Variants in LUC7L2 observed in about 807,000 individuals in gnomAD.
The protein encoded by LUC7L2 is LUC7 like 2, pre-mRNA splicing factor, also known as putative RNA-binding protein Luc7-like 2.
A neutral mutation model predicts 52.8 loss-of-function variants in LUC7L2; 25 were observed. That is an observed-to-expected ratio of 0.47 (90% CI 0.34 to 0.66). LUC7L2 has a LOEUF of 0.66. Ranked by LOEUF, LUC7L2 falls within the 30% of genes least tolerant of loss-of-function variation. LUC7L2 has a pLI of 0.01. For missense variants in LUC7L2, 328 were observed against 497.8 expected (o/e 0.66, Z 3.25); for synonymous variants, 144 against 160.9 (o/e 0.89, Z 0.80).
At chr7:139,398,161 C>G (rs1235605127) in intron 2 of LUC7L2, among the ~76,000 whole-genome samples, 1 of 152,208 alleles carries the variant, frequency 6.6e-6, no homozygotes, top group Non-Finnish European at 1.5e-5. Context: ...GCCTGGCCAC[C>G]AGTCTGGTTT....
intron 7 of LUC7L2, 151 bp downstream of exon 7, chr7:139,409,805 A>G (rs1795277986): frequency 8.1e-7 from 1 of 1,232,702 alleles, no homozygotes; most frequent in Admixed American, 3.3e-5. Flanking sequence ...CGAATTATAT[A>G]AATGTTTAAT....
chr7:139,404,582 T>C (rs370843422), intron 4 of LUC7L2, among the ~76,000 whole-genome samples: 16 of 152,180 alleles, frequency 1.1e-4, no homozygotes, highest in African/African-American at 3.1e-4. Flanking sequence ...AGCAAAGACT[T>C]TGTGGCCCAA....
At chr7:139,390,343 C>T (rs1173871654) in intron 2 of LUC7L2, among the ~76,000 whole-genome samples, 1 of 151,654 alleles carries the variant, frequency 6.6e-6, no homozygotes, top group African/African-American at 2.4e-5. Flanking sequence ...TCACCACAAC[C>T]TCTGCCTCCT....
In LUC7L2 at chr7:139,360,232, CCCCG is replaced by C; in HGVS notation, c.-25_-22del. ...CAAAAGGGCCCGGTCTGCGCCCCAC[CCCCG>C]CCCGTCCGCCCGCTACGCCGCCGCC... is the stretch of plus-strand genomic sequence containing the variant. On this transcript the variant is annotated 5_prime_UTR_variant, in exon 1 of 10. Transcript: ENST00000354926. 2 of 1,539,434 alleles carry C rather than the reference CCCCG, an allele frequency of 1.3e-6. No homozygotes were observed. Among genetic ancestry groups the C allele is most frequent in the East Asian group, 2.5e-5 (1 of 40,504 alleles).
At chr7:139,366,429 C>G (rs1179977173) in intron 1 of LUC7L2, among the ~76,000 whole-genome samples, 1 of 152,168 alleles carries the variant, frequency 6.6e-6, no homozygotes, top group African/African-American at 2.4e-5. Flanking sequence ...CTGTTCTGTT[C>G]TGTACTGTGC....
In LUC7L2 at chr7:139,345,486, T is replaced by C. The variant is rs763749084; in HGVS notation, c.-26+4969T>C. ...TCTAGCTGGGTTAAGAATTTCTGAC[T>C]TGCTGCTTCTCTAGGTCACCAGTGA... On this transcript the variant is annotated intron_variant, in intron 1 of 10. Coordinates refer to the LUC7L2 transcript ENST00000541170. 3.1e-6 allele frequency: 5 copies of C among 1,614,092 alleles called. No homozygotes were observed. In the South Asian group the frequency reaches 5.5e-5, roughly 18 times the overall value.
chr7:139,391,463 T>G (rs2131259230), intron 2 of LUC7L2, among the ~76,000 whole-genome samples: 1 of 152,374 alleles, frequency 6.6e-6, no homozygotes, highest in East Asian at 1.9e-4. Flanking sequence ...AATTTACACT[T>G]AGCAGTACAC....
chr7:139,381,404 T>G (rs995091761), intron 2 of LUC7L2, among the ~76,000 whole-genome samples: 2 of 124,468 alleles, frequency 1.6e-5, no homozygotes, highest in Non-Finnish European at 3.5e-5. Flanking sequence ...TTTATTTTAT[T>G]TTATTTTATT....
At chr7:139,421,039 G>A (rs944083804) in intron 9 of LUC7L2, among the ~76,000 whole-genome samples, 1 of 152,174 alleles carries the variant, frequency 6.6e-6, no homozygotes, top group African/African-American at 2.4e-5. Flanking sequence ...GACCTCAAGT[G>A]ATCTGCCTGC....
Position 139,412,600 on chromosome 7 carries a change from C to T in LUC7L2, c.809+20C>T. ...AAAAAGGTAGGTGTATTACATAAGA[C>T]AGGTATAAGTAGTGAAGTTGTCTTT... On this transcript the variant is annotated intron_variant, in intron 8 of 9. Transcript: ENST00000354926. 1 of 1,597,264 alleles carries T rather than the reference C, an allele frequency of 6.3e-7. No homozygotes were observed. Among genetic ancestry groups the T allele is most frequent in the African/African-American group, 1.4e-5 (1 of 73,486 alleles).
chr7:139,371,711 T>A (rs1327282769), intron 1 of LUC7L2, among the ~76,000 whole-genome samples: 1 of 152,182 alleles, frequency 6.6e-6, no homozygotes, highest in African/African-American at 2.4e-5. Flanking sequence ...GTGTTGGGAA[T>A]GACAGTGGGC....
chr7:139,374,626 G>A (rs957326460), intron 1 of LUC7L2: 32 of 1,455,832 alleles, frequency 2.2e-5, no homozygotes, highest in Non-Finnish European at 2.8e-5. Flanking sequence ...TAACCTACTA[G>A]AGACGAGCTT....
intron 9 of LUC7L2, among the ~76,000 whole-genome samples, chr7:139,419,469 C>CTAG (rs1795788316): frequency 6.6e-6 from 1 of 152,186 alleles, no homozygotes; most frequent in African/African-American, 2.4e-5. Context: ...TGGGGGTCTA[C>CTAG]CCTCAGTGCA....
chr7:139,386,930 T>C (rs188425590), intron 2 of LUC7L2, among the ~76,000 whole-genome samples: 42 of 152,048 alleles, frequency 2.8e-4, no homozygotes, highest in African/African-American at 5.1e-4. Flanking sequence ...GCCTCCTCCT[T>C]CTGGGTTCAA....
chr7:139,388,804 C>T (rs1347721067), intron 2 of LUC7L2, among the ~76,000 whole-genome samples: 2 of 151,952 alleles, frequency 1.3e-5, no homozygotes, highest in Admixed American at 6.6e-5. Flanking sequence ...ATACTTGAAA[C>T]CCTGAAGAGA....
chr7:139,367,080 G>A (rs764894440), intron 1 of LUC7L2, among the ~76,000 whole-genome samples: 1 of 151,932 alleles, frequency 6.6e-6, no homozygotes, highest in Non-Finnish European at 1.5e-5. Flanking sequence ...GAGTTCAGGC[G>A]ATTACCCTAG....
intron 2 of LUC7L2, among the ~76,000 whole-genome samples, chr7:139,383,904 T>C (rs1409564792): frequency 6.6e-6 from 1 of 150,808 alleles, no homozygotes; most frequent in East Asian, 2.0e-4. Context: ...TGGCTAATTA[T>C]TATTATTATT....
intron 2 of LUC7L2, among the ~76,000 whole-genome samples, chr7:139,398,379 A>G (rs2131273932): frequency 6.6e-6 from 1 of 152,316 alleles, no homozygotes; most frequent in Admixed American, 6.5e-5. Context: ...TCTTAAATAC[A>G]AGTGATCCCT....
intron 1 of LUC7L2, among the ~76,000 whole-genome samples, chr7:139,367,561 G>A (rs1800226738): frequency 6.6e-6 from 1 of 152,116 alleles, no homozygotes; most frequent in South Asian, 2.1e-4. Flanking sequence ...TATTTAAAAT[G>A]TCTTGTTGGC....
Sources: allele counts gnomAD v4.1 joint callset (sites outside exome capture counted in the v4.1 genomes callset), GRCh38; gene constraint gnomAD v4.1.1; transcripts MANE v1.5; gene names NCBI Gene and HGNC (gene_info 2026-07-23, HGNC 2026-07-21).